Variants in ZMAT4 observed in about 807,000 individuals in gnomAD.
The protein encoded by ZMAT4 is zinc finger matrin-type 4.
A neutral mutation model predicts 28.7 loss-of-function variants in ZMAT4; 17 were observed. The ratio of observed to expected loss-of-function variants is 0.59; its 90% CI spans 0.41 to 0.89. ZMAT4 has a LOEUF of 0.89. Among genes scored for constraint, ZMAT4 ranks in the 40% least tolerant of loss-of-function variants. The pLI, the probability that ZMAT4 is intolerant of heterozygous loss-of-function variation, is 0.00. For missense variants in ZMAT4, 240 were observed against 283.8 expected (o/e 0.85, Z 1.11); for synonymous variants, 117 against 109.2 (o/e 1.07, Z -0.44).
intron 6 of ZMAT4, among the ~76,000 whole-genome samples, chr8:40,556,157 T>C (rs925583843): frequency 6.6e-6 from 1 of 152,142 alleles, no homozygotes; most frequent in Admixed American, 6.6e-5. Context: ...CTCCTTACCC[T>C]ATATCCTTTT....
At position 40,530,627 on chromosome 8, in the gene ZMAT4, A is replaced by G. The variant is rs911455794; in HGVS notation, c.*1596T>C. 1.3e-5 allele frequency: 2 copies of G among 152,470 alleles called. No homozygotes were observed. The highest frequency in any genetic ancestry group is 4.8e-5 in the African/African-American group (2 of 41,414). 9.4% of individuals were successfully genotyped at this position (152,470 alleles called of 1,614,324 possible). A position where few individuals can be genotyped will look rare whatever the true frequency, so the allele number is the denominator to read the frequency against. On this transcript the variant is annotated 3_prime_UTR_variant, in exon 7 of 7. Transcript: ENST00000297737. ...TGCTGTTTTTACTCGGACAATGCTT[A>G]TTTTACAGCGGAATTGACAAATAAA... is the stretch of plus-strand genomic sequence containing the variant.
chr8:40,807,167 C>T (rs896501828), intron 2 of ZMAT4, among the ~76,000 whole-genome samples: 3 of 147,588 alleles, frequency 2.0e-5, no homozygotes, highest in Non-Finnish European at 3.0e-5. Flanking sequence ...GTCAGCCGGG[C>T]ACAGTGGCTT....
rs139130789 is a variant in ZMAT4 at position 40,799,155 on chromosome 8, C to CTGGATGGA, written c.102+26412_102+26419dup. Among the ~76,000 whole-genome samples the CTGGATGGA allele has an allele frequency of 3.4e-4, 50 of 146,190 alleles. 1 individual carries two copies. Among genetic ancestry groups the CTGGATGGA allele is most frequent in the South Asian group, 8.9e-4 (4 of 4,502 alleles). On this transcript the variant is annotated intron_variant, in intron 2 of 6. Coordinates refer to ENST00000297737, the MANE Select transcript of ZMAT4 (RefSeq NM_024645.3). ...GAAGGATAGATGGCTGGCTGGCTGGCTGGATGGATGGATGAATAGAGAGAG... is the reference window on the plus strand; with the variant it reads ...GAAGGATAGATGGCTGGCTGGCTGGCTGGATGGATGGATGGATGGATGAATAGAGAGAG...
At chr8:40,715,013 C>T (rs969093728) in intron 3 of ZMAT4, among the ~76,000 whole-genome samples, 1 of 133,464 alleles carries the variant, frequency 7.5e-6, no homozygotes, top group Non-Finnish European at 1.5e-5. Context: ...CGCTCCACTG[C>T]ACTCCAGCCT....
intron 5 of ZMAT4, among the ~76,000 whole-genome samples, chr8:40,593,048 A>T (rs1214870378): frequency 6.6e-6 from 1 of 152,190 alleles, no homozygotes; most frequent in Non-Finnish European, 1.5e-5. Context: ...CATGGGAGAA[A>T]TATCTTTTTG....
At chr8:40,671,964 C>T (rs973563745) in intron 5 of ZMAT4, among the ~76,000 whole-genome samples, 3 of 152,092 alleles carry the variant, frequency 2.0e-5, no homozygotes, top group African/African-American at 7.2e-5. Flanking sequence ...TTCATTCATT[C>T]AGAAACTATT....
Position 40,818,645 on chromosome 8 carries a change from T to G in ZMAT4, c.102+6930A>C, listed in dbSNP as rs979877690. On this transcript the variant is annotated intron_variant, in intron 2 of 6. Transcript: ENST00000297737. ...AGACTTTTCCTAGTCTTTACCCAGT[T>G]AGCACTTGCATCTCCTTGAACACTT... is the stretch of plus-strand genomic sequence containing the variant. Among the ~76,000 whole-genome samples the G allele has an allele frequency of 2.0e-5, 3 of 152,314 alleles. No individual in the cohort carries two copies. In the East Asian group the frequency reaches 5.8e-4, roughly 29 times the overall value.
chr8:40,759,299 A>G (rs966966879), intron 3 of ZMAT4, among the ~76,000 whole-genome samples: 16 of 143,414 alleles, frequency 1.1e-4, no homozygotes, highest in African/African-American at 4.1e-4. Flanking sequence ...AAAAAAAAAA[A>G]AAAGGGAAAA....
chr8:40,716,588 A>G (rs1810864567), intron 3 of ZMAT4, among the ~76,000 whole-genome samples: 1 of 152,190 alleles, frequency 6.6e-6, no homozygotes, highest in Non-Finnish European at 1.5e-5. Context: ...GCTACTTGGG[A>G]GGCTGAGGCA....
chr8:40,872,219 G>A (rs946562353), intron 1 of ZMAT4, among the ~76,000 whole-genome samples: 13 of 152,276 alleles, frequency 8.5e-5, no homozygotes, highest in Non-Finnish European at 1.5e-4. Context: ...ATGCACACAC[G>A]CACACACTGA....
chr8:40,869,115 T>G (rs956381155), intron 1 of ZMAT4, among the ~76,000 whole-genome samples: 2 of 152,196 alleles, frequency 1.3e-5, no homozygotes, highest in African/African-American at 4.8e-5. Context: ...TTCTCTTCTA[T>G]TCACTTATGT....
intron 5 of ZMAT4, among the ~76,000 whole-genome samples, chr8:40,603,824 G>A (rs558432800): frequency 6.6e-6 from 1 of 152,110 alleles, no homozygotes; most frequent in Admixed American, 6.5e-5. Context: ...TAGAGATGGG[G>A]TTTTACTGTG....
At chr8:40,823,552 G>A (rs1815908080) in intron 2 of ZMAT4, among the ~76,000 whole-genome samples, 1 of 152,080 alleles carries the variant, frequency 6.6e-6, no homozygotes, top group East Asian at 1.9e-4. Flanking sequence ...CCAGCTACTG[G>A]GGAGGCTGAG....
chr8:40,703,013 C>CTA lies in ZMAT4; in HGVS notation c.193-5614_193-5613dup, dbSNP rs142988150. 8.8e-3 allele frequency among the ~76,000 whole-genome samples: 1,290 copies of CTA among 146,844 alleles called. 10 individuals are homozygous for CTA. The highest frequency in any genetic ancestry group is 0.021 in the African/African-American group (850 of 40,084). Reference sequence around the variant, plus strand: ...TGAGGCTAAAAAGCAAAGAAATTTACTATATATATATATATTCAATAAGGT... The same window carrying CTA: ...TGAGGCTAAAAAGCAAAGAAATTTACTATATATATATATATATTCAATAAGGT... On this transcript the variant is annotated intron_variant, in intron 3 of 6. Coordinates refer to ENST00000297737, the MANE Select transcript of ZMAT4 (RefSeq NM_024645.3).
In ZMAT4 at chr8:40,587,357, G is replaced by A. The variant is rs1224775542; in HGVS notation, c.578-6096C>T. Among the ~76,000 whole-genome samples the A allele has an allele frequency of 2.0e-5, 3 of 152,260 alleles. No homozygotes were observed. In the East Asian group the frequency reaches 5.8e-4, roughly 29 times the overall value. On this transcript the variant is annotated intron_variant, in intron 5 of 6. Coordinates refer to ENST00000297737, the MANE Select transcript of ZMAT4 (RefSeq NM_024645.3). ...GAAAAATCTCAGAAATTATTAATAT[G>A]TGGGTATCTATCTTTTAAAATTCCT... is the stretch of plus-strand genomic sequence containing the variant.
At chr8:40,657,922 A>G (rs993529940) in intron 5 of ZMAT4, among the ~76,000 whole-genome samples, 3 of 152,178 alleles carry the variant, frequency 2.0e-5, no homozygotes, top group South Asian at 2.1e-4. Context: ...TCTTTCACAT[A>G]TGAAAGACTT....
intron 4 of ZMAT4, among the ~76,000 whole-genome samples, chr8:40,694,600 C>G (rs1809794336): frequency 6.6e-6 from 1 of 152,108 alleles, no homozygotes; most frequent in Non-Finnish European, 1.5e-5. Flanking sequence ...GCCTTCAACC[C>G]TTAACCTGGG....
At chr8:40,893,963 A>T (rs1158074707) in intron 1 of ZMAT4, among the ~76,000 whole-genome samples, 1 of 152,220 alleles carries the variant, frequency 6.6e-6, no homozygotes, top group Non-Finnish European at 1.5e-5. Context: ...AAGTAGCAAC[A>T]CTATTAACTG....
intron 1 of ZMAT4, among the ~76,000 whole-genome samples, chr8:40,890,992 T>C (rs958795269): frequency 6.6e-6 from 1 of 151,606 alleles, no homozygotes; most frequent in Non-Finnish European, 1.5e-5. Context: ...ATGCACTCTA[T>C]CCACCTAATA....
Sources: allele counts gnomAD v4.1 joint callset (sites outside exome capture counted in the v4.1 genomes callset), GRCh38; gene constraint gnomAD v4.1.1; transcripts MANE v1.5; gene names NCBI Gene and HGNC (gene_info 2026-07-23, HGNC 2026-07-21).